Variants in PRIM2 observed in about 807,000 individuals in gnomAD.
PRIM2 encodes the protein DNA primase subunit 2, also known as DNA primase large subunit.
PRIM2 carries 39 observed loss-of-function variants against 67.3 expected under a neutral mutation model. That is an observed-to-expected ratio of 0.58 (90% confidence interval 0.45 to 0.76). The LOEUF is 0.76. PRIM2 is among the 30% of genes least tolerant of loss of function. The pLI is 0.00. For synonymous variants in PRIM2, 143 were observed against 198.7 expected (o/e 0.72, Z 2.36); for missense variants, 398 against 598.7 (o/e 0.66, Z 3.50).
At chr6:57,292,730 C>A in the PRIM2 span, among the ~76,000 whole-genome samples, 1 of 152,248 alleles carries the variant, frequency 6.6e-6, no homozygotes, top group African/African-American at 2.4e-5. Flanking sequence ...CAAAAACAAG[C>A]AATGGGGAAA....
At chr6:57,433,202 GA>G (rs10706272) in intron 7 of PRIM2, among the ~76,000 whole-genome samples, 96,114 of 151,884 alleles carry the variant, frequency 0.63, 30,648 homozygotes, top group South Asian at 0.72. Context: ...ATGATGGCAT[GA>G]AAAAAATGTA....
chr6:57,626,623 G>GC (rs1406564576), intron 12 of PRIM2, among the ~76,000 whole-genome samples: 1 of 147,944 alleles, frequency 6.8e-6, no homozygotes, highest in African/African-American at 2.5e-5. Context: ...AAACTGCATT[G>GC]CTTTTTTTTT....
chr6:57,497,974 A>G (rs1298802242), intron 7 of PRIM2, among the ~76,000 whole-genome samples: 1 of 152,208 alleles, frequency 6.6e-6, no homozygotes. Context: ...TGTTGCTATT[A>G]TAAGAAAATG....
chr6:57,223,308 T>G, the PRIM2 span, among the ~76,000 whole-genome samples: 2 of 152,010 alleles, frequency 1.3e-5, no homozygotes, highest in Middle Eastern at 3.2e-3. Flanking sequence ...CTGGAAGGAG[T>G]TAGCGACTAG....
intron 11 of PRIM2, among the ~76,000 whole-genome samples, chr6:57,602,718 A>G (rs1177439846): frequency 6.6e-6 from 1 of 152,164 alleles, no homozygotes; most frequent in Admixed American, 6.5e-5. Context: ...GTATCTTGTT[A>G]TCCCAGTGCT....
At chr6:57,573,254 C>T (rs1407694759) in intron 10 of PRIM2, among the ~76,000 whole-genome samples, 1 of 152,174 alleles carries the variant, frequency 6.6e-6, no homozygotes, top group Non-Finnish European at 1.5e-5. Flanking sequence ...TGTTGTGTTT[C>T]TCATTATTGT....
chr6:57,550,446 T>C (rs1446577624), intron 10 of PRIM2, among the ~76,000 whole-genome samples: 63 of 152,264 alleles, frequency 4.1e-4, no homozygotes, highest in African/African-American at 1.5e-3. Context: ...TTAAATTATG[T>C]ATTGGGTTAA....
At chr6:57,571,885 C>T (rs1775870471) in intron 10 of PRIM2, among the ~76,000 whole-genome samples, 3 of 152,196 alleles carry the variant, frequency 2.0e-5, no homozygotes, top group Admixed American at 6.5e-5. Context: ...TTGTTTCAGT[C>T]ATCAAGGTGG....
chr6:57,341,842 C>T (rs1768502992), intron 5 of PRIM2, among the ~76,000 whole-genome samples: 1 of 152,174 alleles, frequency 6.6e-6, no homozygotes, highest in South Asian at 2.1e-4. Flanking sequence ...AGGGAGTGGG[C>T]AGCCACGGGG....
At chr6:57,345,552 C>G (rs2127297058) in intron 5 of PRIM2, among the ~76,000 whole-genome samples, 1 of 148,666 alleles carries the variant, frequency 6.7e-6, no homozygotes, top group African/African-American at 2.5e-5. Flanking sequence ...ATTAATTACA[C>G]TAAATATAAT....
At chr6:57,240,091 GTTTTTTTTT>G in the PRIM2 span, among the ~76,000 whole-genome samples, 1,021 of 90,006 alleles carry the variant, frequency 0.011, 12 homozygotes, top group African/African-American at 0.043. Context: ...TCAATAATCT[GTTTTTTTTT>G]TTTTTTTTTT....
intron 7 of PRIM2, among the ~76,000 whole-genome samples, chr6:57,475,150 G>A (rs1773445408): frequency 6.6e-6 from 1 of 152,126 alleles, no homozygotes; most frequent in African/African-American, 2.4e-5. Flanking sequence ...TTTGATTGGT[G>A]ACTGTATTTT....
At chr6:57,562,394 G>A (rs1158053416) in intron 10 of PRIM2, among the ~76,000 whole-genome samples, 1 of 152,096 alleles carries the variant, frequency 6.6e-6, no homozygotes, top group Non-Finnish European at 1.5e-5. Context: ...AGGAATGTGG[G>A]TTTTATATTC....
At chr6:57,609,377 G>C (rs1776623232) in intron 12 of PRIM2, among the ~76,000 whole-genome samples, 1 of 152,158 alleles carries the variant, frequency 6.6e-6, no homozygotes, top group African/African-American at 2.4e-5. Context: ...AATAAAGTAA[G>C]GTCATCAGCT....
At chr6:57,261,186 A>G in the PRIM2 span, among the ~76,000 whole-genome samples, 1 of 152,186 alleles carries the variant, frequency 6.6e-6, no homozygotes, top group Non-Finnish European at 1.5e-5. Context: ...ATACCAGGAG[A>G]TGACAAAGGT....
At chr6:57,357,872 G>T (rs1226743026) in intron 5 of PRIM2, among the ~76,000 whole-genome samples, 7 of 152,160 alleles carry the variant, frequency 4.6e-5, no homozygotes, top group Admixed American at 3.9e-4. Flanking sequence ...GGGGTTACAG[G>T]CATGAGCCAC....
intron 7 of PRIM2, among the ~76,000 whole-genome samples, chr6:57,442,843 C>A (rs9475958): frequency 2.6e-5 from 4 of 151,990 alleles, no homozygotes; most frequent in East Asian, 1.9e-4. Flanking sequence ...CTGTTATTAA[C>A]TATATTCATC....
chr6:57,262,894 C>T, the PRIM2 span, among the ~76,000 whole-genome samples: 1 of 152,182 alleles, frequency 6.6e-6, no homozygotes, highest in Non-Finnish European at 1.5e-5. Flanking sequence ...GCTCTCCCAA[C>T]CCCCAAACCC....
At chr6:57,494,322 T>C (rs1305120083) in intron 7 of PRIM2, among the ~76,000 whole-genome samples, 228 of 152,300 alleles carry the variant, frequency 1.5e-3, no homozygotes, top group Non-Finnish European at 2.7e-3. Flanking sequence ...TACATTGTTT[T>C]TTAAAAAACT....
Sources: gnomAD v4.1 joint callset for allele counts (sites outside exome capture counted in the v4.1 genomes callset) on GRCh38, gnomAD v4.1.1 for gene constraint, MANE v1.5 for transcripts, NCBI Gene and HGNC (gene_info 2026-07-23, HGNC 2026-07-21) for gene names.